The following NEIL2 variants were observed in gnomAD, a reference collection of about 807,000 sequenced individuals.
The protein encoded by NEIL2 is nei like DNA glycosylase 2.
In NEIL2, 23 loss-of-function variants were observed where a neutral mutation model predicts 22.2. The observed-to-expected ratio is 1.04, with a 90% CI of 0.75 to 1.47. The LOEUF (loss-of-function observed/expected upper bound fraction) is 1.47. NEIL2 is among the 40% of genes most tolerant of loss of function. NEIL2 has a pLI of 0.00. For missense variants in NEIL2, 583 were observed against 404.7 expected (o/e 1.44, Z -3.78); for synonymous variants, 229 against 164.8 (o/e 1.39, Z -2.99).
chr8:11,777,102 C>G (rs1350584930), intron 2 of NEIL2, among the ~76,000 whole-genome samples: 2 of 152,106 alleles, frequency 1.3e-5, no homozygotes, highest in African/African-American at 4.8e-5. Context: ...GCCAGCTTCC[C>G]CTCATCATGT....
chr8:11,772,014 C>G (rs1312321008), intron 2 of NEIL2, among the ~76,000 whole-genome samples: 2 of 151,320 alleles, frequency 1.3e-5, no homozygotes, highest in African/African-American at 4.9e-5. Context: ...ACCAGCCTGG[C>G]TAACATGATG....
intron 2 of NEIL2, among the ~76,000 whole-genome samples, chr8:11,774,472 C>T (rs577473409): frequency 6.6e-6 from 1 of 152,164 alleles, no homozygotes; most frequent in Admixed American, 6.5e-5. Flanking sequence ...GGGTACCTCC[C>T]ACCAGGTCCG....
At chr8:11,773,181 C>G (rs1472126899) in intron 2 of NEIL2, among the ~76,000 whole-genome samples, 1 of 152,186 alleles carries the variant, frequency 6.6e-6, no homozygotes, top group African/African-American at 2.4e-5. Flanking sequence ...ATCCCCAGCA[C>G]TTACCAGGGT....
At chr8:11,775,142 A>T (rs1803796848) in intron 2 of NEIL2, among the ~76,000 whole-genome samples, 1 of 152,274 alleles carries the variant, frequency 6.6e-6, no homozygotes, top group Non-Finnish European at 1.5e-5. Context: ...CTGCCCTAGC[A>T]GAGGTTCTCA....
At position 11,786,093 on chromosome 8, in the gene NEIL2, G is replaced by C; in HGVS notation, c.819G>C (p.Gln273His). 6.2e-7 allele frequency: 1 copy of C among 1,614,184 alleles called. No individual in the cohort carries two copies. Among genetic ancestry groups the C allele is most frequent in the Non-Finnish European group, 8.5e-7 (1 of 1,180,036 alleles). ...TGGAGTTCAGTACAGCCTGGCTGCA[G>C]GGCAAGTTCCAAGGCAGACCGCAGC... ...HVVEFSTAWL[Q>H]GKFQGRPQHT... The change falls in exon 5 of 5, where the codon CAG (glutamine) becomes CAC (histidine). Residue 273 changes from glutamine to histidine, a missense_variant. Coordinates refer to ENST00000284503, the MANE Select transcript of NEIL2 (RefSeq NM_145043.4).
intron 2 of NEIL2, among the ~76,000 whole-genome samples, chr8:11,775,747 G>C (rs1296114629): frequency 1.3e-5 from 2 of 152,150 alleles, no homozygotes; most frequent in Non-Finnish European, 2.9e-5. Context: ...AGATCTCTAG[G>C]GCAGGGGCAA....
At chr8:11,785,615 A>G (rs1187398789) in intron 4 of NEIL2, among the ~76,000 whole-genome samples, 2 of 152,224 alleles carry the variant, frequency 1.3e-5, no homozygotes, top group Middle Eastern at 3.2e-3. Flanking sequence ...CCTGCCTTAC[A>G]GATAAGGAAA....
intron 2 of NEIL2, among the ~76,000 whole-genome samples, chr8:11,775,019 A>G (rs1090107): frequency 0.43 from 65,094 of 152,120 alleles, 16,230 homozygotes; most frequent in East Asian, 0.97. Flanking sequence ...AGCTGTCAGT[A>G]GATCTACCAT....
rs964112869 is a variant in NEIL2 at position 11,786,559 on chromosome 8, A to G, written c.*286A>G. 6.9e-5 allele frequency: 33 copies of G among 478,474 alleles called. No homozygotes were observed. The highest frequency in any genetic ancestry group is 5.7e-4 in the African/African-American group (29 of 51,044). The allele number at this position is 478,474 out of a possible 1,614,324, so 29.6% of individuals were successfully genotyped here. A position where few individuals can be genotyped will look rare whatever the true frequency, so the allele number is the denominator to read the frequency against. On this transcript the variant is annotated 3_prime_UTR_variant, in exon 5 of 5. Transcript: ENST00000284503. ...TAAGGGGAAAACTTCCCGGAAGGCA[A>G]TGGGGCAAGGAAAAAGAAAGCCTAT...
chr8:11,778,685 C>T (rs890815144), intron 2 of NEIL2, among the ~76,000 whole-genome samples: 1 of 151,918 alleles, frequency 6.6e-6, no homozygotes, highest in Non-Finnish European at 1.5e-5. Context: ...GGCATGGTGG[C>T]TCATGCCTGG....
intron 2 of NEIL2, among the ~76,000 whole-genome samples, chr8:11,778,841 A>T (rs890836753): frequency 6.8e-5 from 10 of 147,638 alleles, no homozygotes; most frequent in Non-Finnish European, 1.3e-4. Context: ...AGTCCCAGCT[A>T]CTTGGGAAGC....
chr8:11,783,023 G>A, intron 3 of NEIL2, 180 bp from the exon 4 acceptor site: 1 of 675,540 alleles, frequency 1.5e-6, no homozygotes, highest in Non-Finnish European at 2.7e-6. Context: ...AGTGTGCTCT[G>A]ACTATACTGT....
chr8:11,776,500 G>A (rs988434530), intron 2 of NEIL2, among the ~76,000 whole-genome samples: 4 of 152,172 alleles, frequency 2.6e-5, no homozygotes, highest in African/African-American at 9.7e-5. Flanking sequence ...ATGCTGCTGT[G>A]GGCATTCATA....
chr8:11,769,746 G>C lies in NEIL2; in HGVS notation c.-592G>C, dbSNP rs1479960036. ...CCCAGCTGGAGCGGCTGTGCGGGCT[G>C]CGTAGCGGTGCTGGGTCGGGCCGAC... On this transcript the variant is annotated 5_prime_UTR_variant, in exon 1 of 5. Transcript: ENST00000284503. The C allele has an allele frequency of 6.6e-6, 1 of 152,396 alleles. No individual in the cohort carries two copies. Among genetic ancestry groups the C allele is most frequent in the Admixed American group, 6.5e-5 (1 of 15,290 alleles). 9.4% of individuals were successfully genotyped at this position (152,396 alleles called of 1,614,324 possible). A position where few individuals can be genotyped will look rare whatever the true frequency, so the allele number is the denominator to read the frequency against.
chr8:11,780,939 T>C (rs970245082), intron 3 of NEIL2, among the ~76,000 whole-genome samples: 1 of 152,238 alleles, frequency 6.6e-6, no homozygotes, highest in Non-Finnish European at 1.5e-5. Context: ...TTTTGTGACA[T>C]GTGTTGCCAG....
chr8:11,773,084 C>T (rs761252383), intron 2 of NEIL2, among the ~76,000 whole-genome samples: 4 of 152,170 alleles, frequency 2.6e-5, no homozygotes, highest in African/African-American at 7.2e-5. Flanking sequence ...GGTGAGAGCA[C>T]GGGGTCCCAT....
rs557014440 is a variant in NEIL2, at chr8:11,777,067, C to T, written c.139-2531C>T. Among the ~76,000 whole-genome samples, 300 of 152,300 alleles carry T rather than the reference C, an allele frequency of 2.0e-3. 1 individual carries two copies. The highest frequency in any genetic ancestry group is 6.9e-3 in the African/African-American group (285 of 41,574). On this transcript the variant is annotated intron_variant, in intron 2 of 4. Coordinates refer to ENST00000284503, the MANE Select transcript of NEIL2 (RefSeq NM_145043.4). ...CCTGTCTCCTCTGCCCTCCACTCTT[C>T]TTGTGAAGCCCAGCCCAGGTAACGG...
chr8:11,780,444 G>A (rs1425218424), intron 3 of NEIL2, among the ~76,000 whole-genome samples: 3 of 152,108 alleles, frequency 2.0e-5, no homozygotes, highest in African/African-American at 7.2e-5. Context: ...GCAGTGGCAC[G>A]ATCTCGCCTC....
intron 2 of NEIL2, among the ~76,000 whole-genome samples, chr8:11,779,214 G>A (rs1425435670): frequency 6.6e-6 from 1 of 152,170 alleles, no homozygotes; most frequent in African/African-American, 2.4e-5. Context: ...CTCTGTATGT[G>A]TGCATTCCCA....
Sources: gnomAD v4.1 joint callset for allele counts (sites outside exome capture counted in the v4.1 genomes callset) on GRCh38, gnomAD v4.1.1 for gene constraint, MANE v1.5 for transcripts, NCBI Gene and HGNC (gene_info 2026-07-23, HGNC 2026-07-21) for gene names.